Variants in ABLIM2 observed in about 807,000 individuals in gnomAD.
ABLIM2 encodes the protein actin-binding LIM protein 2.
Under a neutral mutation model 97.7 loss-of-function variants are expected in ABLIM2, and 53 were observed. That is an observed-to-expected ratio of 0.54 (90% CI 0.44 to 0.68). The LOEUF (loss-of-function observed/expected upper bound fraction) is 0.68. Among genes scored for constraint, ABLIM2 ranks in the 30% least tolerant of loss-of-function variants. The pLI, the probability that ABLIM2 is intolerant of heterozygous loss-of-function variation, is 0.00. For synonymous variants in ABLIM2, 361 were observed against 345.8 expected, an observed-to-expected ratio of 1.04 and a Z score of -0.49; for missense variants, 835 against 867.2, an observed-to-expected ratio of 0.96 and a Z score of 0.47.
At chr4:8,012,660 CATCT>C (rs993489827) in intron 14 of ABLIM2, among the ~76,000 whole-genome samples, 58 of 152,110 alleles carry the variant, frequency 3.8e-4, no homozygotes, top group Middle Eastern at 3.4e-3. Flanking sequence ...CCCATCCATC[CATCT>C]ATCCATCCAC....
intron 10 of ABLIM2, among the ~76,000 whole-genome samples, chr4:8,035,340 C>T (rs925975642): frequency 2.6e-5 from 4 of 152,144 alleles, no homozygotes; most frequent in African/African-American, 4.8e-5. Flanking sequence ...GCATCGAACG[C>T]GCTGCCCTGG....
At chr4:8,118,111 C>T (rs535823342) in intron 1 of ABLIM2, among the ~76,000 whole-genome samples, 2 of 152,226 alleles carry the variant, frequency 1.3e-5, no homozygotes, top group Non-Finnish European at 2.9e-5. Context: ...CTGCCATCTG[C>T]GCAGGAAGGC....
rs187447007 is a variant in ABLIM2 at position 8,072,864 on chromosome 4, C to T, written c.675+4764G>A. ...AGTGGGGAACGCAGGCCCTGCAAGG[C>T]CCCTGGGGAAGTAGGGAGGGGTCGG... On this transcript the variant is annotated intron_variant, in intron 6 of 20. Transcript: ENST00000447017. This position sits in a 1 kb window ranked among gnomAD's most constrained non-coding sequence, Gnocchi z 5.8. 8.8e-4 allele frequency among the ~76,000 whole-genome samples: 134 copies of T among 152,246 alleles called. 1 individual carries two copies. Among genetic ancestry groups the T allele is most frequent in the African/African-American group, 2.3e-3 (97 of 41,546 alleles).
chr4:7,967,699 G>C (rs1724031882), intron 20 of ABLIM2, among the ~76,000 whole-genome samples: 1 of 152,232 alleles, frequency 6.6e-6, no homozygotes, highest in Non-Finnish European at 1.5e-5. Flanking sequence ...ACCGTGGAAA[G>C]GCACACAGCT....
intron 6 of ABLIM2, among the ~76,000 whole-genome samples, chr4:8,070,901 C>T (rs796880146): frequency 4.6e-5 from 7 of 152,100 alleles, no homozygotes; most frequent in East Asian, 1.9e-4. Flanking sequence ...ACAGACTGCA[C>T]GAGGCACACC....
In ABLIM2 at chr4:8,043,665, G is replaced by C. The variant is rs1790217554; in HGVS notation, c.900+1499C>G. On this transcript the variant is annotated intron_variant, in intron 9 of 20. Coordinates refer to ENST00000447017, the MANE Select transcript of ABLIM2 (RefSeq NM_001130083.2). This position sits in a 1 kb window ranked among gnomAD's most constrained non-coding sequence, Gnocchi z 4.8. Reference sequence around the variant, plus strand: ...CCAGGGATGGGGAGCCAACCCTGCTGACTCCTTGATCCTGGGTTTCCAGGC... The same window carrying C: ...CCAGGGATGGGGAGCCAACCCTGCTCACTCCTTGATCCTGGGTTTCCAGGC... 6.6e-6 allele frequency among the ~76,000 whole-genome samples: 1 copy of C among 152,188 alleles called. No individual in the cohort carries two copies. Among genetic ancestry groups the C allele is most frequent in the African/African-American group, 2.4e-5 (1 of 41,450 alleles).
intron 1 of ABLIM2, among the ~76,000 whole-genome samples, chr4:8,119,826 C>G (rs891383760): frequency 6.6e-6 from 1 of 152,172 alleles, no homozygotes; most frequent in Admixed American, 6.5e-5. Flanking sequence ...TTTTGCGAGG[C>G]TGAAACTCCA....
Position 7,996,774 on chromosome 4 carries a change from C to T in ABLIM2, c.1619-3847G>A, listed in dbSNP as rs928744155. 1.3e-5 allele frequency among the ~76,000 whole-genome samples: 2 copies of T among 152,192 alleles called. No homozygotes were observed. The highest frequency in any genetic ancestry group is 4.8e-5 in the African/African-American group (2 of 41,456). Reference sequence around the variant, plus strand: ...TATCTCACTGAACACAGGATTCATGCGGACAGTTCTGCTCTTTCAGCACGT... The same window carrying T: ...TATCTCACTGAACACAGGATTCATGTGGACAGTTCTGCTCTTTCAGCACGT... On this transcript the variant is annotated intron_variant, in intron 16 of 20. Coordinates refer to ENST00000447017, the MANE Select transcript of ABLIM2 (RefSeq NM_001130083.2). This position sits in a 1 kb window ranked among gnomAD's most constrained non-coding sequence, Gnocchi z 4.5.
intron 2 of ABLIM2, among the ~76,000 whole-genome samples, chr4:8,104,114 C>T (rs61286102): frequency 0.084 from 12,711 of 152,194 alleles, 1,616 homozygotes; most frequent in African/African-American, 0.27. Flanking sequence ...CGCTCCCTGG[C>T]GCTGACACGC....
rs1484768204 is a variant in ABLIM2, at chr4:8,083,416, C to T, written c.455-2614G>A. Reference sequence around the variant, plus strand: ...AGGTGGTCCCCTCACGGGTGGCCTGCTCCCTCTGTGATGCCTTTATGGGCA... The same window carrying T: ...AGGTGGTCCCCTCACGGGTGGCCTGTTCCCTCTGTGATGCCTTTATGGGCA... On this transcript the variant is annotated intron_variant, in intron 4 of 20. Coordinates refer to ENST00000447017, the MANE Select transcript of ABLIM2 (RefSeq NM_001130083.2). The surrounding 1 kb of genome is among the most constrained non-coding windows in gnomAD (Gnocchi z 4.6). 2.6e-5 allele frequency among the ~76,000 whole-genome samples: 4 copies of T among 152,198 alleles called. No homozygotes were observed. The highest frequency in any genetic ancestry group is 1.3e-4 in the Admixed American group (2 of 15,284).
intron 3 of ABLIM2, among the ~76,000 whole-genome samples, chr4:8,091,838 T>TATTATATAC (rs1468751822): frequency 2.0e-5 from 2 of 99,702 alleles, no homozygotes; most frequent in East Asian, 5.2e-4. Flanking sequence ...ATAAATAATA[T>TATTATATAC]AATATATTAT....
At chr4:8,024,572 C>T (rs1240720247) in intron 12 of ABLIM2, among the ~76,000 whole-genome samples, 2 of 152,192 alleles carry the variant, frequency 1.3e-5, no homozygotes, top group African/African-American at 4.8e-5. Flanking sequence ...CCAGCTGACC[C>T]CTGGGGGCTG....
intron 15 of ABLIM2, 107 bp from the exon 16 acceptor site, chr4:8,008,307 C>T: frequency 8.9e-7 from 1 of 1,117,918 alleles, no homozygotes; most frequent in Non-Finnish European, 1.3e-6. Context: ...TACGAGCTGA[C>T]CCCACTGTGA....
chr4:8,010,478 C>T, intron 14 of ABLIM2: 1 of 985,900 alleles, frequency 1.0e-6, no homozygotes, highest in Non-Finnish European at 1.2e-6. Flanking sequence ...CCGTACCCTG[C>T]CTCCTGCACC....
chr4:8,040,787 G>T (rs1579491593), intron 9 of ABLIM2, among the ~76,000 whole-genome samples: 1 of 152,196 alleles, frequency 6.6e-6, no homozygotes, highest in African/African-American at 2.4e-5. Context: ...GGCCTGTCTG[G>T]CCCCTGGGAG....
At chr4:8,092,761 A>C (rs1184065977) in intron 3 of ABLIM2, among the ~76,000 whole-genome samples, 1 of 152,142 alleles carries the variant, frequency 6.6e-6, no homozygotes, top group Non-Finnish European at 1.5e-5. Flanking sequence ...GCACATCCTC[A>C]ACCTTGGCTA....
intron 7 of ABLIM2, among the ~76,000 whole-genome samples, chr4:8,060,132 A>T (rs1802036224): frequency 6.6e-6 from 1 of 152,204 alleles, no homozygotes; most frequent in Admixed American, 6.5e-5. Context: ...TCTTCCCCTT[A>T]TAAGAGTCGT....
intron 20 of ABLIM2, among the ~76,000 whole-genome samples, chr4:7,969,166 C>T (rs1362098826): frequency 1.3e-5 from 2 of 150,680 alleles, no homozygotes; most frequent in Admixed American, 1.3e-4. Context: ...TTAAAATGGT[C>T]AATTTGGATG....
chr4:7,974,754 C>CATCTATCCATCCATCT (rs980469616), intron 20 of ABLIM2, among the ~76,000 whole-genome samples: 5 of 152,114 alleles, frequency 3.3e-5, no homozygotes, highest in Admixed American at 6.6e-5. Flanking sequence ...TCCACTCATC[C>CATCTATCCATCCATCT]ATCTATCCAT....
Sources: allele counts gnomAD v4.1 joint callset (sites outside exome capture counted in the v4.1 genomes callset), GRCh38; gene constraint gnomAD v4.1.1; non-coding constraint Gnocchi (gnomAD v3.1); transcripts MANE v1.5; gene names NCBI Gene and HGNC (gene_info 2026-07-23, HGNC 2026-07-21).